TDRD12: variants seen among roughly 807,000 people sequenced by gnomAD.
TDRD12 encodes the protein putative ATP-dependent RNA helicase TDRD12.
A neutral mutation model predicts 133.5 loss-of-function variants in TDRD12; 158 were observed. That is an observed-to-expected ratio of 1.18 (90% CI 1.04 to 1.35). The LOEUF (loss-of-function observed/expected upper bound fraction) is 1.35. Among genes scored for constraint, TDRD12 ranks in the 40% most tolerant of loss-of-function variants. The pLI, the probability that TDRD12 is intolerant of heterozygous loss-of-function variation, is 0.00. For synonymous variants in TDRD12, 460 were observed against 477.9 expected (o/e 0.96, Z 0.49); for missense variants, 1,443 against 1,321.3 (o/e 1.09, Z -1.43).
chr19:32,818,085 C>A lies in TDRD12; in HGVS notation c.3315-4C>A, dbSNP rs777928361. The A allele has an allele frequency of 1.6e-5, 11 of 702,812 alleles. 1 individual carries two copies. In the Middle Eastern group the frequency reaches 2.1e-3, roughly 132 times the overall value. The allele number at this position is 702,812 out of a possible 1,614,324, so 43.5% of individuals were successfully genotyped here. On this transcript the variant is annotated splice_polypyrimidine_tract_variant and splice_region_variant and intron_variant, in intron 26 of 27. Transcript: ENST00000444215. ...GCAAATGAAGTCTGCTCTGCTTTCT[C>A]CAGGCCGAGGGTGACAGGGACCAGT...
At chr19:32,791,301 C>T (rs2145664329) in intron 13 of TDRD12, among the ~76,000 whole-genome samples, 1 of 152,284 alleles carries the variant, frequency 6.6e-6, no homozygotes, top group Admixed American at 6.5e-5. Flanking sequence ...GAGGCAGCCG[C>T]TGTGTAACTG....
intron 2 of TDRD12, among the ~76,000 whole-genome samples, chr19:32,734,402 A>G (rs1599835250): frequency 7.0e-6 from 1 of 143,604 alleles, no homozygotes; most frequent in Non-Finnish European, 1.5e-5. Flanking sequence ...TGGGGGTCTC[A>G]CTCTGTCACC....
At chr19:32,720,210 G>A (rs1599810946) in intron 1 of TDRD12, 114 bp downstream of exon 1, 4 of 1,058,286 alleles carry the variant, frequency 3.8e-6, no homozygotes, top group Non-Finnish European at 5.1e-6. Context: ...TACACCCACC[G>A]CAGCCCCGCA....
exon 1 of TDRD12, chr19:32,719,999 C>G (rs935709548): frequency 2.6e-6 from 4 of 1,521,114 alleles, no homozygotes; most frequent in Non-Finnish European, 3.5e-6. Context: ...CCGGGGCGGA[C>G]GCAGCCAGCC....
chr19:32,749,576 C>T (rs1231182847), intron 5 of TDRD12, among the ~76,000 whole-genome samples: 1 of 152,052 alleles, frequency 6.6e-6, no homozygotes, highest in Non-Finnish European at 1.5e-5. Flanking sequence ...CACAGGGTGG[C>T]ACAGGAACCT....
intron 24 of TDRD12, among the ~76,000 whole-genome samples, chr19:32,812,541 T>C (rs1292895186): frequency 6.6e-6 from 1 of 152,214 alleles, no homozygotes; most frequent in African/African-American, 2.4e-5. Context: ...AAAAGGAGCC[T>C]TTATCACAAG....
chr19:32,728,146 A>G lies in TDRD12; in HGVS notation c.25-3579A>G, dbSNP rs1050711236. Among the ~76,000 whole-genome samples the G allele has an allele frequency of 8.5e-5, 13 of 152,178 alleles. 1 individual carries two copies. Among genetic ancestry groups the G allele is most frequent in the Admixed American group, 5.9e-4 (9 of 15,268 alleles). On this transcript the variant is annotated intron_variant, in intron 1 of 27. Transcript: ENST00000444215. Reference sequence around the variant, plus strand: ...ATATGTCTGTCTTTATTTCAGTACCATACTGTTTTGATTACTGTAGCTTTG... The same window carrying G: ...ATATGTCTGTCTTTATTTCAGTACCGTACTGTTTTGATTACTGTAGCTTTG...
At position 32,731,520 on chromosome 19, in the gene TDRD12, GA is replaced by G. The variant is rs548829862; in HGVS notation, c.25-204del. Among the ~76,000 whole-genome samples, 114 of 152,224 alleles carry G rather than the reference GA, an allele frequency of 7.5e-4. 1 individual carries two copies. Among genetic ancestry groups the G allele is most frequent in the South Asian group, 7.1e-3 (34 of 4,822 alleles). ...GATTGAGGACATCCGTTCGTTATTT[GA>G]GTCACAACACATAATTGAGAATTAC... On this transcript the variant is annotated intron_variant, in intron 1 of 27. Coordinates refer to ENST00000444215, the Ensembl canonical transcript of TDRD12.
chr19:32,822,647 T>G (rs1255335832), downstream of TDRD12, among the ~76,000 whole-genome samples: 2 of 151,152 alleles, frequency 1.3e-5, no homozygotes, highest in Non-Finnish European at 2.9e-5. Context: ...CTCGGGAGGC[T>G]GAGGCAGGAG....
chr19:32,729,688 T>G (rs1320009149), intron 1 of TDRD12, among the ~76,000 whole-genome samples: 2 of 151,576 alleles, frequency 1.3e-5, no homozygotes, highest in Non-Finnish European at 2.9e-5. Flanking sequence ...TTAAGTTCTG[T>G]ATTTATAATA....
chr19:32,775,262 C>T (rs1970548762), intron 10 of TDRD12, among the ~76,000 whole-genome samples: 2 of 152,158 alleles, frequency 1.3e-5, no homozygotes, highest in South Asian at 4.1e-4. Flanking sequence ...ACTGATCTGT[C>T]TGTACATTCA....
chr19:32,733,994 C>A (rs1488379812), intron 2 of TDRD12, among the ~76,000 whole-genome samples: 1 of 151,606 alleles, frequency 6.6e-6, no homozygotes, highest in East Asian at 1.9e-4. Context: ...CGGGTTCACG[C>A]CGTTCTCCCG....
exon 6 of TDRD12, chr19:32,749,795 G>A (rs1001784176): frequency 1.3e-6 from 2 of 1,550,010 alleles, no homozygotes; most frequent in Admixed American, 2.0e-5. Flanking sequence ...AACTACCCAG[G>A]TGGAAGCCAG....
At chr19:32,805,220 CAT>C (rs3043502) in intron 21 of TDRD12, among the ~76,000 whole-genome samples, 104,246 of 134,274 alleles carry the variant, frequency 0.78, 39,625 homozygotes, top group Admixed American at 0.82. Flanking sequence ...CACACACACA[CAT>C]ATATATATAT....
intron 14 of TDRD12, among the ~76,000 whole-genome samples, chr19:32,796,890 GTGTC>G (rs1307421598): frequency 6.6e-6 from 1 of 152,096 alleles, no homozygotes; most frequent in African/African-American, 2.4e-5. Context: ...TGGAGGGTGT[GTGTC>G]TGGCAGGCAG....
At chr19:32,756,029 C>T (rs1453040431) in exon 7 of TDRD12, 2 of 1,473,190 alleles carry the variant, frequency 1.4e-6, no homozygotes, top group Non-Finnish European at 1.8e-6. Context: ...AAGAACTATG[C>T]TTGTTATATG....
chr19:32,748,771 C>A lies in TDRD12; in HGVS notation c.496+240C>A, dbSNP rs191723945. ...GCAGGGGGCTGTTTGTGCAGGGGAA[C>A]CCTTACACAGTAATAATACCTGCCT... On this transcript the variant is annotated intron_variant, in intron 5 of 27. Coordinates refer to ENST00000444215, the Ensembl canonical transcript of TDRD12. Among the ~76,000 whole-genome samples, 71 of 152,350 alleles carry A rather than the reference C, an allele frequency of 4.7e-4. 1 individual carries two copies. Among genetic ancestry groups the A allele is most frequent in the African/African-American group, 1.7e-3 (71 of 41,580 alleles).
rs191776865 is a variant in TDRD12 at position 32,767,364 on chromosome 19, G to C, written c.866-5389G>C. On this transcript the variant is annotated intron_variant, in intron 8 of 27. Transcript: ENST00000444215. Reference sequence around the variant, plus strand: ...GGCTGGTCTGGAACTCCTGACCTCAGATGATCCACCCGACTCGGCCTCCCA... The same window carrying C: ...GGCTGGTCTGGAACTCCTGACCTCACATGATCCACCCGACTCGGCCTCCCA... Among the ~76,000 whole-genome samples the C allele has an allele frequency of 3.1e-3, 473 of 151,336 alleles. 3 individuals carry two copies. Among genetic ancestry groups the C allele is most frequent in the African/African-American group, 0.011 (435 of 41,212 alleles).
chr19:32,772,746 T>G lies in TDRD12; in HGVS notation c.866-7T>G. Reference sequence around the variant, plus strand: ...GTAGCTTTTTTATTACCATTTTTATTTTGCAGACAAAGCTGTAAAATGTAA... The same window carrying G: ...GTAGCTTTTTTATTACCATTTTTATGTTGCAGACAAAGCTGTAAAATGTAA... On this transcript the variant is annotated splice_region_variant and splice_polypyrimidine_tract_variant and intron_variant, in intron 8 of 27. Coordinates refer to ENST00000444215, the Ensembl canonical transcript of TDRD12. The G allele has an allele frequency of 1.3e-6, 2 of 1,485,558 alleles. No homozygotes were observed. The highest frequency in any genetic ancestry group is 1.8e-6 in the Non-Finnish European group (2 of 1,117,916). The allele number at this position is 1,485,558 out of a possible 1,614,324, so 92.0% of individuals were successfully genotyped here. A position where few individuals can be genotyped will look rare whatever the true frequency, so the allele number is the denominator to read the frequency against.
Sources: allele counts gnomAD v4.1 joint callset (sites outside exome capture counted in the v4.1 genomes callset), GRCh38; gene constraint gnomAD v4.1.1; transcripts MANE v1.5; gene names NCBI Gene and HGNC (gene_info 2026-07-23, HGNC 2026-07-21).